ARID1B: variants seen among roughly 807,000 people sequenced by gnomAD.
The protein encoded by ARID1B is AT-rich interaction domain 1B, also known as AT-rich interactive domain-containing protein 1B.
Under a neutral mutation model 212.3 loss-of-function variants are expected in ARID1B, and 30 were observed. That is an observed-to-expected ratio of 0.14 (90% confidence interval 0.11 to 0.19). ARID1B has a LOEUF of 0.19. Ranked by LOEUF, ARID1B falls within the 10% of genes least tolerant of loss-of-function variation. ARID1B has a pLI of 1.00. For synonymous variants in ARID1B, 1,402 were observed against 1,301.7 expected (o/e 1.08, Z -1.66); for missense variants, 2,891 against 3,204.0 (o/e 0.90, Z 2.36).
intron 2 of ARID1B, among the ~76,000 whole-genome samples, chr6:156,852,630 T>C (rs1266834310): frequency 2.6e-5 from 4 of 152,168 alleles, no homozygotes; most frequent in Non-Finnish European, 5.9e-5. Flanking sequence ...AGGAAGCATG[T>C]CAAGACTAAC....
At position 157,205,167 on chromosome 6, in the gene ARID1B, C is replaced by T. The variant is rs542830247; in HGVS notation, c.5395-1000C>T. 206 of 152,364 alleles carry T rather than the reference C, an allele frequency of 1.4e-3. 2 individuals are homozygous for T. Among genetic ancestry groups the T allele is most frequent in the African/African-American group, 4.6e-3 (193 of 41,590 alleles). 9.4% of individuals were successfully genotyped at this position (152,364 alleles called of 1,614,324 possible). On this transcript the variant is annotated intron_variant, in intron 19 of 19. Transcript: ENST00000636930. ...AAAAAAAGGGAAAATGCCCTTGGAA[C>T]ATTGTGCCTTCAGCACACTAAAAGC...
chr6:156,894,060 G>A (rs939239546), intron 2 of ARID1B, among the ~76,000 whole-genome samples: 1 of 152,014 alleles, frequency 6.6e-6, no homozygotes, highest in African/African-American at 2.4e-5. Flanking sequence ...TGGGTGAGTG[G>A]ATAAACAGTT....
chr6:157,065,647 C>T (rs896942039), intron 4 of ARID1B, among the ~76,000 whole-genome samples: 1 of 152,134 alleles, frequency 6.6e-6, no homozygotes, highest in African/African-American at 2.4e-5. Flanking sequence ...TAGAAACTTC[C>T]GTTTCAGTTG....
intron 3 of ARID1B, among the ~76,000 whole-genome samples, chr6:156,909,403 C>T (rs897164657): frequency 1.1e-4 from 16 of 152,046 alleles, no homozygotes; most frequent in African/African-American, 1.7e-4. Context: ...GAATTACAGG[C>T]GTGAGTCACC....
At chr6:156,816,832 T>A (rs1441711001) in intron 1 of ARID1B, among the ~76,000 whole-genome samples, 1 of 152,176 alleles carries the variant, frequency 6.6e-6, no homozygotes, top group East Asian at 1.9e-4. Context: ...TTTGTTTGAA[T>A]TTGTCCTTCT....
rs759078059 is a variant in ARID1B, at chr6:156,779,417, G to A, written c.1737G>A (p.Arg579=). 38 of 1,465,404 alleles carry A rather than the reference G, an allele frequency of 2.6e-5. 1 individual carries two copies. Among genetic ancestry groups the A allele is most frequent in the Admixed American group, 4.2e-5 (2 of 47,602 alleles). 90.8% of individuals were successfully genotyped at this position (1,465,404 alleles called of 1,614,324 possible). ...CGGCCTGGGCGGCCGCGCAACAAAGGAGTCACCCGGCGATGAGCCCCGGCA... is the reference window on the plus strand; with the variant it reads ...CGGCCTGGGCGGCCGCGCAACAAAGAAGTCACCCGGCGATGAGCCCCGGCA... The part of the protein sequence containing the change: ...ASPAWAAAQQ[R]SHPAMSPGTP... The change falls in exon 1 of 20, where the codon AGG becomes AGA. Residue 579 remains arginine, a synonymous_variant. Coordinates refer to ENST00000636930, the MANE Select transcript of ARID1B (RefSeq NM_001374828.1).
intron 7 of ARID1B, among the ~76,000 whole-genome samples, chr6:157,135,088 AT>A (rs200748744): frequency 4.1e-3 from 579 of 141,870 alleles, no homozygotes; most frequent in Middle Eastern, 0.014. Flanking sequence ...TATAGAATGG[AT>A]TTTTTTTTTT....
intron 4 of ARID1B, among the ~76,000 whole-genome samples, chr6:157,039,248 T>C (rs373901087): frequency 1.3e-5 from 2 of 151,818 alleles, no homozygotes; most frequent in East Asian, 1.9e-4. Context: ...TTCACAGTAA[T>C]AGATGCTTTT....
intron 4 of ARID1B, among the ~76,000 whole-genome samples, chr6:157,037,311 C>T (rs1354467171): frequency 6.6e-6 from 1 of 152,156 alleles, no homozygotes; most frequent in African/African-American, 2.4e-5. Flanking sequence ...GATTGAAAAC[C>T]CAGCTCCTTC....
Position 157,096,773 on chromosome 6 carries a change from C to G in ARID1B, c.2491+11868C>G, listed in dbSNP as rs981240383. Reference sequence around the variant, plus strand: ...TCGTGCTGGAGAGGTCTGCTCTCCCCCCAGCAACCTCACAAGCCCAGCACT... The same window carrying G: ...TCGTGCTGGAGAGGTCTGCTCTCCCGCCAGCAACCTCACAAGCCCAGCACT... On this transcript the variant is annotated intron_variant, in intron 5 of 19. Coordinates refer to ENST00000636930, the MANE Select transcript of ARID1B (RefSeq NM_001374828.1). 2.4e-4 allele frequency among the ~76,000 whole-genome samples: 36 copies of G among 152,342 alleles called. No homozygotes were observed. In the East Asian group the frequency reaches 5.8e-3, roughly 24 times the overall value.
intron 1 of ARID1B, among the ~76,000 whole-genome samples, chr6:156,821,239 G>T (rs928609133): frequency 8.5e-5 from 13 of 152,152 alleles, no homozygotes; most frequent in Non-Finnish European, 1.6e-4. Context: ...GGGGAGGTGG[G>T]GTTTAGTCAG....
chr6:156,792,989 T>C (rs1380565709), intron 1 of ARID1B, among the ~76,000 whole-genome samples: 1 of 152,170 alleles, frequency 6.6e-6, no homozygotes, highest in Non-Finnish European at 1.5e-5. Flanking sequence ...AAGTATCTTA[T>C]CACAGTCTTG....
intron 8 of ARID1B, chr6:157,151,588 C>T (rs1017121733): frequency 6.6e-6 from 1 of 152,212 alleles, no homozygotes; most frequent in Admixed American, 6.5e-5. Flanking sequence ...AGTATCTCTT[C>T]TTTCCTACTA....
At chr6:157,184,148 A>G in intron 12 of ARID1B, 83 bp from the exon 13 acceptor site, 5 of 1,290,046 alleles carry the variant, frequency 3.9e-6, no homozygotes, top group Non-Finnish European at 5.4e-6. Flanking sequence ...AAGTCAACCA[A>G]GACATTAAGT....
chr6:156,944,925 C>CTT (rs543626936), intron 4 of ARID1B, among the ~76,000 whole-genome samples: 162 of 135,380 alleles, frequency 1.2e-3, no homozygotes, highest in African/African-American at 3.7e-3. Context: ...TTTTCTTTTC[C>CTT]TTTTTTTTTT....
At chr6:156,901,668 A>C in intron 3 of ARID1B, 143 bp downstream of exon 3, 2 of 996,806 alleles carry the variant, frequency 2.0e-6, no homozygotes, top group Non-Finnish European at 2.9e-6. Context: ...CTGTAACCTA[A>C]TCTAACTCCA....
At chr6:156,804,618 A>C (rs1781018179) in intron 1 of ARID1B, among the ~76,000 whole-genome samples, 1 of 151,950 alleles carries the variant, frequency 6.6e-6, no homozygotes, top group Admixed American at 6.6e-5. Context: ...CCCTTATAAA[A>C]CCATCAGATT....
intron 2 of ARID1B, among the ~76,000 whole-genome samples, chr6:156,856,700 T>TCTCTCACACACACA (rs1168465535): frequency 2.6e-5 from 3 of 114,648 alleles, no homozygotes; most frequent in African/African-American, 1.0e-4. Flanking sequence ...TCTCTCTCTC[T>TCTCTCACACACACA]CACACACACA....
intron 2 of ARID1B, among the ~76,000 whole-genome samples, chr6:156,854,470 C>T (rs1015754780): frequency 2.6e-5 from 4 of 152,218 alleles, no homozygotes; most frequent in South Asian, 2.1e-4. Context: ...GAGCAGAGCA[C>T]GGAAGATTCA....
Sources: gnomAD v4.1 joint callset for allele counts (sites outside exome capture counted in the v4.1 genomes callset) on GRCh38, gnomAD v4.1.1 for gene constraint, MANE v1.5 for transcripts, NCBI Gene and HGNC (gene_info 2026-07-23, HGNC 2026-07-21) for gene names.